Variants in OXNAD1 observed in about 807,000 individuals in gnomAD.
The protein encoded by OXNAD1 is oxidoreductase NAD binding domain containing 1.
A neutral mutation model predicts 32.9 loss-of-function variants in OXNAD1; 34 were observed. The observed-to-expected ratio is 1.03, with a 90% confidence interval of 0.79 to 1.38. The LOEUF is 1.38. Among genes scored for constraint, OXNAD1 ranks in the 40% most tolerant of loss-of-function variants. OXNAD1 has a pLI of 0.00. For synonymous variants in OXNAD1, 134 were observed against 135.2 expected, an observed-to-expected ratio of 0.99 and a Z score of 0.06; for missense variants, 407 against 379.4, an observed-to-expected ratio of 1.07 and a Z score of -0.60.
chr3:16,295,694 A>G (rs1259821510), intron 6 of OXNAD1, among the ~76,000 whole-genome samples: 1 of 151,726 alleles, frequency 6.6e-6, no homozygotes, highest in Admixed American at 6.6e-5. Context: ...TTTTCCTTTC[A>G]CTTCCTCTTC....
At chr3:16,324,615 C>CCCCA (rs1553718068) in intron 9 of OXNAD1, among the ~76,000 whole-genome samples, 1 of 141,286 alleles carries the variant, frequency 7.1e-6, no homozygotes, top group African/African-American at 2.7e-5. Context: ...TGTCCCTGAC[C>CCCCA]CCCCCCCTTT....
At chr3:16,351,656 C>G (rs192125432), downstream of OXNAD1, among the ~76,000 whole-genome samples, 2 of 152,310 alleles carry the variant, frequency 1.3e-5, no homozygotes, top group East Asian at 3.9e-4. This position sits in a 1 kb window ranked among gnomAD's most constrained non-coding sequence, Gnocchi z 5.4. Flanking sequence ...TCTGACCTCA[C>G]CAACTGAGCA....
chr3:16,308,212 G>A (rs1182244190), downstream of OXNAD1, among the ~76,000 whole-genome samples: 5 of 152,308 alleles, frequency 3.3e-5, no homozygotes, highest in African/African-American at 1.2e-4. This position sits in a 1 kb window ranked among gnomAD's most constrained non-coding sequence, Gnocchi z 4.4. Flanking sequence ...AATTGAAAGT[G>A]GAAATGCTCT....
chr3:16,294,768 T>C, intron 5 of OXNAD1, 88 bp from the exon 6 acceptor site: 2 of 1,257,810 alleles, frequency 1.6e-6, no homozygotes, highest in African/African-American at 1.5e-5. Context: ...TTTTTTTTCA[T>C]AGTCTTGCAA....
chr3:16,323,608 C>A, intron 9 of OXNAD1: 2 of 570,770 alleles, frequency 3.5e-6, no homozygotes, highest in Non-Finnish European at 6.1e-6. Flanking sequence ...CTTCCGCTCC[C>A]AGGCCATCCA....
At chr3:16,274,089 GTCTC>G (rs1186945020) in intron 4 of OXNAD1, among the ~76,000 whole-genome samples, 2 of 150,328 alleles carry the variant, frequency 1.3e-5, no homozygotes, top group Non-Finnish European at 2.9e-5. Context: ...CTAATGGCAC[GTCTC>G]TCTCTGAGTA....
chr3:16,299,001 A>C lies in OXNAD1; in HGVS notation c.433-2625A>C, dbSNP rs962874104. 6.6e-6 allele frequency among the ~76,000 whole-genome samples: 1 copy of C among 152,196 alleles called. No homozygotes were observed. Among genetic ancestry groups the C allele is most frequent in the Non-Finnish European group, 1.5e-5 (1 of 68,028 alleles). ...CCAAATCAGAATACAGACCTACCGA[A>C]GATTATTTTGTCGTCAAGGATAAGA... On this transcript the variant is annotated intron_variant, in intron 6 of 8. Transcript: ENST00000285083. This position sits in a 1 kb window ranked among gnomAD's most constrained non-coding sequence, Gnocchi z 4.4.
In OXNAD1 at chr3:16,305,104, A is replaced by G. The variant is rs978017935; in HGVS notation, c.*1542A>G. 5 of 152,384 alleles carry G rather than the reference A, an allele frequency of 3.3e-5. No individual in the cohort carries two copies. Among genetic ancestry groups the G allele is most frequent in the African/African-American group, 9.6e-5 (4 of 41,578 alleles). 9.4% of individuals were successfully genotyped at this position (152,384 alleles called of 1,614,324 possible). ...AGCCCTGACTTACCAGTTGGCCCCAAAGTGCCCAGGCTGAGGGCATAGGAG... is the reference window on the plus strand; with the variant it reads ...AGCCCTGACTTACCAGTTGGCCCCAGAGTGCCCAGGCTGAGGGCATAGGAG... On this transcript the variant is annotated 3_prime_UTR_variant, in exon 9 of 9. Transcript: ENST00000285083. This position sits in a 1 kb window ranked among gnomAD's most constrained non-coding sequence, Gnocchi z 4.5.
At chr3:16,307,925 G>A (rs985074804), downstream of OXNAD1, among the ~76,000 whole-genome samples, 3 of 152,118 alleles carry the variant, frequency 2.0e-5, no homozygotes, top group Non-Finnish European at 4.4e-5. Context: ...GTTTTTTTAA[G>A]AGGAGTGAAA....
chr3:16,331,170 A>G (rs1046174361), intron 9 of OXNAD1, among the ~76,000 whole-genome samples: 4 of 152,186 alleles, frequency 2.6e-5, no homozygotes, highest in East Asian at 1.9e-4. Context: ...CCTTTCACCA[A>G]TTAGGGTATG....
In OXNAD1 at chr3:16,305,805, T is replaced by A. The variant is rs2067509793; in HGVS notation, c.*2243T>A. The A allele has an allele frequency of 1.3e-5, 2 of 152,216 alleles. No individual in the cohort carries two copies. Among genetic ancestry groups the A allele is most frequent in the Admixed American group, 6.5e-5 (1 of 15,280 alleles). 9.4% of individuals were successfully genotyped at this position (152,216 alleles called of 1,614,324 possible). ...AAGGGAGATGATACTGCTGCCTACC[T>A]ACCTACATGATAGGGCTGTTACGGG... On this transcript the variant is annotated 3_prime_UTR_variant, in exon 9 of 9. Transcript: ENST00000285083. The surrounding 1 kb of genome is among the most constrained non-coding windows in gnomAD (Gnocchi z 4.5).
In OXNAD1 at chr3:16,295,005, C is replaced by A; in HGVS notation, c.432+8C>A. On this transcript the variant is annotated splice_region_variant and intron_variant, in intron 6 of 8. Transcript: ENST00000285083. ...CTCTGGGTTCACAATACGGTAAGCA[C>A]ACTGCCTGTTTAAACGCGATGATCT... The A allele has an allele frequency of 6.2e-7, 1 of 1,604,078 alleles. No individual in the cohort carries two copies. The highest frequency in any genetic ancestry group is 1.1e-5 in the South Asian group (1 of 89,096).
chr3:16,313,674 G>A (rs923307992), intron 9 of OXNAD1: 5 of 152,150 alleles, frequency 3.3e-5, no homozygotes, highest in African/African-American at 9.7e-5. Flanking sequence ...GGCGATTGAT[G>A]CTCAGAGCTG....
chr3:16,312,281 C>A lies in OXNAD1; in HGVS notation c.*30+8689C>A, dbSNP rs562490487. On this transcript the variant is annotated intron_variant, in intron 9 of 9. Coordinates refer to the OXNAD1 transcript ENST00000435829. The surrounding 1 kb of genome is among the most constrained non-coding windows in gnomAD (Gnocchi z 4.7). The stretch of plus-strand genomic sequence containing the variant: ...ACTCTAGGAGCCAGGTACAGGAAAC[C>A]CAGCCTCTCCTGGGAAGCTGCATCA... 6.6e-6 allele frequency among the ~76,000 whole-genome samples: 1 copy of A among 152,290 alleles called. No individual in the cohort carries two copies. Among genetic ancestry groups the A allele is most frequent in the East Asian group, 1.9e-4 (1 of 5,192 alleles).
intron 1 of OXNAD1, among the ~76,000 whole-genome samples, chr3:16,266,819 A>AT: frequency 6.6e-6 from 1 of 152,200 alleles, no homozygotes; most frequent in South Asian, 2.1e-4. Flanking sequence ...TAGACATTTT[A>AT]TTTATTCCTC....
chr3:16,343,038 TCTCA>T (rs1480987075), intron 9 of OXNAD1, among the ~76,000 whole-genome samples: 3 of 152,048 alleles, frequency 2.0e-5, no homozygotes. Context: ...AGAGACAAGG[TCTCA>T]CTATGTTGCC....
chr3:16,273,423 C>T, intron 4 of OXNAD1, among the ~76,000 whole-genome samples: 3 of 124,664 alleles, frequency 2.4e-5, no homozygotes, highest in East Asian at 2.4e-4. Flanking sequence ...CTTGCTCTGT[C>T]ACCCAGGCTG....
intron 4 of OXNAD1, among the ~76,000 whole-genome samples, chr3:16,281,395 T>C (rs528109887): frequency 4.7e-4 from 72 of 152,238 alleles, no homozygotes; most frequent in African/African-American, 1.6e-3. Flanking sequence ...TGCTCCAAAA[T>C]CCAAAACGTT....
intron 9 of OXNAD1, chr3:16,315,005 CTT>C (rs1244615611): frequency 2.0e-5 from 3 of 152,238 alleles, no homozygotes; most frequent in Non-Finnish European, 4.4e-5. Flanking sequence ...CCTTCAACCT[CTT>C]TAAGCTCTGA....
Sources: gnomAD v4.1 joint callset for allele counts (sites outside exome capture counted in the v4.1 genomes callset) on GRCh38, gnomAD v4.1.1 for gene constraint, Gnocchi (gnomAD v3.1) non-coding constraint, MANE v1.5 for transcripts, NCBI Gene and HGNC (gene_info 2026-07-23, HGNC 2026-07-21) for gene names.